The following STK32A variants were observed in gnomAD, a reference collection of about 807,000 sequenced individuals.
The protein encoded by STK32A is serine/threonine-protein kinase 32A.
A neutral mutation model predicts 53.2 loss-of-function variants in STK32A; 41 were observed. That is an observed-to-expected ratio of 0.77 (90% CI 0.60 to 1.00). STK32A has a LOEUF of 1.00. Among genes scored for constraint, STK32A ranks in the 50% least tolerant of loss-of-function variants. The probability of loss-of-function intolerance (pLI) is 0.00; values close to 1 mark genes in which losing one functional copy is unlikely to be tolerated. For missense variants in STK32A, 458 were observed against 485.8 expected, an observed-to-expected ratio of 0.94 and a Z score of 0.54; for synonymous variants, 166 against 162.8, an observed-to-expected ratio of 1.02 and a Z score of -0.15.
rs984298293 is a variant in STK32A, at chr5:147,355,792, G to GTGTGTATATATATA, written c.562+4639_562+4640insGTGTATATATATAT. Among the ~76,000 whole-genome samples the GTGTGTATATATATA allele has an allele frequency of 7.4e-5, 11 of 147,848 alleles. No individual in the cohort carries two copies. In the East Asian group the frequency reaches 2.2e-3, roughly 29 times the overall value. On this transcript the variant is annotated intron_variant, in intron 7 of 12. Transcript: ENST00000397936. ...TATGTATGTGTGTGAGTGTGTGTGTGTATATATATATATATATATAAATAA... is the reference window on the plus strand; with the variant it reads ...TATGTATGTGTGTGAGTGTGTGTGTGTGTGTATATATATATATATATATATATATATATAAATAA...
chr5:147,320,025 C>G (rs1208230267), intron 4 of STK32A, among the ~76,000 whole-genome samples: 11 of 147,272 alleles, frequency 7.5e-5, no homozygotes, highest in Non-Finnish European at 1.7e-4. Context: ...CACAGAGACA[C>G]AGTATATTCA....
intron 4 of STK32A, among the ~76,000 whole-genome samples, chr5:147,309,086 T>G (rs754172905): frequency 3.5e-4 from 53 of 152,092 alleles, no homozygotes; most frequent in Admixed American, 8.5e-4. Context: ...ATTGGTAATG[T>G]AGTAAAGAGC....
chr5:147,283,304 G>A (rs900810758), intron 4 of STK32A, among the ~76,000 whole-genome samples: 1 of 152,022 alleles, frequency 6.6e-6, no homozygotes, highest in Non-Finnish European at 1.5e-5. Flanking sequence ...GGTGCTAAAA[G>A]CAAAGTTGAT....
intron 11 of STK32A, among the ~76,000 whole-genome samples, chr5:147,379,165 GT>G (rs1419130597): frequency 6.6e-6 from 1 of 151,556 alleles, no homozygotes; most frequent in Non-Finnish European, 1.5e-5. Flanking sequence ...ATTCCTAGGT[GT>G]TTTATTGTTT....
At chr5:147,295,441 C>T (rs367858295) in intron 4 of STK32A, among the ~76,000 whole-genome samples, 1 of 152,168 alleles carries the variant, frequency 6.6e-6, no homozygotes, top group African/African-American at 2.4e-5. Flanking sequence ...TAAGCAAGAA[C>T]CCGAAAGCTA....
At chr5:147,285,646 C>T (rs1296363159) in intron 4 of STK32A, among the ~76,000 whole-genome samples, 3 of 152,162 alleles carry the variant, frequency 2.0e-5, no homozygotes, top group African/African-American at 7.2e-5. Context: ...ATAGACAGTT[C>T]TCAAAAGAAG....
the STK32A span, chr5:147,395,495 G>T: frequency 2.6e-6 from 4 of 1,535,388 alleles, no homozygotes; most frequent in African/African-American, 2.7e-5. Flanking sequence ...ACACCCTGTG[G>T]CCTCAGAACA....
intron 4 of STK32A, among the ~76,000 whole-genome samples, chr5:147,311,899 T>C (rs1753715484): frequency 6.6e-6 from 1 of 151,952 alleles, no homozygotes; most frequent in Admixed American, 6.6e-5. Flanking sequence ...GCACCAGGCC[T>C]GAAGCATTCT....
At chr5:147,319,925 AGGTTCCCCTACTATCAT>A (rs1307382150) in intron 4 of STK32A, among the ~76,000 whole-genome samples, 3 of 152,194 alleles carry the variant, frequency 2.0e-5, no homozygotes, top group Non-Finnish European at 4.4e-5. Context: ...AATAGGAAGT[AGGTTCCCCTACTATCAT>A]GGTTTTCAAG....
the STK32A span, chr5:147,395,620 G>A: frequency 1.2e-6 from 2 of 1,614,086 alleles, no homozygotes; most frequent in Non-Finnish European, 1.7e-6. Context: ...GAGTAGGAGA[G>A]CCCCGAGCAG....
intron 2 of STK32A, among the ~76,000 whole-genome samples, chr5:147,261,037 T>A (rs1026498146): frequency 1.3e-5 from 2 of 152,096 alleles, no homozygotes; most frequent in Admixed American, 6.5e-5. Flanking sequence ...CCACTTTCTT[T>A]TTTTCCCGCC....
At chr5:147,272,698 T>G (rs1340323940) in intron 2 of STK32A, among the ~76,000 whole-genome samples, 1 of 152,218 alleles carries the variant, frequency 6.6e-6, no homozygotes, top group Non-Finnish European at 1.5e-5. Context: ...TAGTTTTCAC[T>G]GAATAATTGT....
rs1561675358 is a variant in STK32A, at chr5:147,260,234, GT to G, written c.53-17889del. ...TCTCCTCTCTCTCTCTCTCCTCTCT[GT>G]CTCTGTCTCTCTCTCTCTCCTCTCT... On this transcript the variant is annotated intron_variant, in intron 2 of 12. Coordinates refer to ENST00000397936, the MANE Select transcript of STK32A (RefSeq NM_001112724.2). 1.9e-3 allele frequency among the ~76,000 whole-genome samples: 100 copies of G among 51,514 alleles called. 3 individuals are homozygous for G. The highest frequency in any genetic ancestry group is 8.4e-3 in the African/African-American group (95 of 11,328). 33.8% of individuals were successfully genotyped at this position (51,514 alleles called of 152,430 possible).
At chr5:147,349,600 CGTATAA>C (rs1189608151) in intron 6 of STK32A, among the ~76,000 whole-genome samples, 9 of 152,006 alleles carry the variant, frequency 5.9e-5, no homozygotes, top group African/African-American at 2.2e-4. Flanking sequence ...TTCCCTGCCA[CGTATAA>C]GTATTAGACC....
At chr5:147,330,373 T>C (rs1224704174) in intron 5 of STK32A, among the ~76,000 whole-genome samples, 2 of 152,194 alleles carry the variant, frequency 1.3e-5, no homozygotes, top group African/African-American at 2.4e-5. Flanking sequence ...ATATATAACA[T>C]TGTAACATAA....
intron 6 of STK32A, among the ~76,000 whole-genome samples, chr5:147,343,713 T>C (rs1207743166): frequency 3.3e-5 from 5 of 152,260 alleles, no homozygotes; most frequent in Admixed American, 3.3e-4. Flanking sequence ...CTGCTTCATC[T>C]TGTTTTATGC....
At chr5:147,397,994 A>G in the STK32A span, 1 of 753,514 alleles carries the variant, frequency 1.3e-6, no homozygotes, top group East Asian at 2.8e-5. Context: ...TCCAGTGGGT[A>G]GAAGGCACCG....
rs1561763657 is a variant in STK32A at position 147,385,749 on chromosome 5, G to C, written c.*1766G>C. 1 of 152,292 alleles carries C rather than the reference G, an allele frequency of 6.6e-6. No homozygotes were observed. The highest frequency in any genetic ancestry group is 1.5e-5 in the Non-Finnish European group (1 of 68,094). 9.4% of individuals were successfully genotyped at this position (152,292 alleles called of 1,614,324 possible). On this transcript the variant is annotated 3_prime_UTR_variant, in exon 13 of 13. Coordinates refer to ENST00000397936, the MANE Select transcript of STK32A (RefSeq NM_001112724.2). ...CCCCTATGCCCCTGGGTAGGGTCCA[G>C]AAGTGAACAGGCTTGGTGGGGGATT... is the stretch of plus-strand genomic sequence containing the variant.
intron 4 of STK32A, among the ~76,000 whole-genome samples, chr5:147,280,291 T>A (rs756966861): frequency 6.6e-6 from 1 of 151,750 alleles, no homozygotes; most frequent in Non-Finnish European, 1.5e-5. Flanking sequence ...GTGTGCAGAC[T>A]CCGGGGGCAG....
Sources: gnomAD v4.1 joint callset for allele counts (sites outside exome capture counted in the v4.1 genomes callset) on GRCh38, gnomAD v4.1.1 for gene constraint, MANE v1.5 for transcripts, NCBI Gene and HGNC (gene_info 2026-07-23, HGNC 2026-07-21) for gene names.